SCFD2: variants seen among roughly 807,000 people sequenced by gnomAD.
SCFD2 encodes sec1 family domain containing 2.
In SCFD2, 54 loss-of-function variants were observed where a neutral mutation model predicts 58.9. The ratio of observed to expected loss-of-function variants is 0.92; its 90% CI spans 0.74 to 1.15. SCFD2 has a LOEUF of 1.15. Ranked by LOEUF, SCFD2 falls within the 50% of genes most tolerant of loss-of-function variation. SCFD2 has a pLI of 0.00. For missense variants in SCFD2, 805 were observed against 836.6 expected (o/e 0.96, Z 0.47); for synonymous variants, 321 against 335.9 (o/e 0.96, Z 0.49).
intron 6 of SCFD2, among the ~76,000 whole-genome samples, chr4:52,909,413 A>T (rs1005145928): frequency 6.6e-6 from 1 of 152,222 alleles, no homozygotes; most frequent in Non-Finnish European, 1.5e-5. Context: ...TGTGTGAATG[A>T]AAAAAGCAAG....
At chr4:53,248,059 G>A (rs1440759557) in intron 4 of SCFD2, among the ~76,000 whole-genome samples, 1 of 152,116 alleles carries the variant, frequency 6.6e-6, no homozygotes, top group Non-Finnish European at 1.5e-5. Context: ...CAGGTCAGTG[G>A]GTGCAGCGCA....
At chr4:53,229,227 A>G (rs1467850709) in intron 4 of SCFD2, among the ~76,000 whole-genome samples, 1 of 152,218 alleles carries the variant, frequency 6.6e-6, no homozygotes, top group Non-Finnish European at 1.5e-5. Flanking sequence ...TGCCATCCCC[A>G]TCAAGCTACC....
chr4:52,945,130 T>A (rs1720389797), intron 5 of SCFD2, among the ~76,000 whole-genome samples: 1 of 152,144 alleles, frequency 6.6e-6, no homozygotes. Context: ...GATAAATTTG[T>A]ATGTGAATAC....
At chr4:53,155,768 T>C (rs1365755804) in intron 4 of SCFD2, among the ~76,000 whole-genome samples, 1 of 152,222 alleles carries the variant, frequency 6.6e-6, no homozygotes, top group African/African-American at 2.4e-5. Flanking sequence ...TAAGCCAATA[T>C]TTATCAGATC....
intron 5 of SCFD2, among the ~76,000 whole-genome samples, chr4:53,044,282 C>T (rs1722971458): frequency 6.6e-6 from 1 of 152,056 alleles, no homozygotes; most frequent in South Asian, 2.1e-4. Flanking sequence ...CCCCACTGTC[C>T]TTTCACAGTT....
At chr4:52,993,567 C>A (rs1215151022) in intron 5 of SCFD2, among the ~76,000 whole-genome samples, 1 of 152,094 alleles carries the variant, frequency 6.6e-6, no homozygotes, top group Non-Finnish European at 1.5e-5. Context: ...TAATTTTTTA[C>A]ATACATTGTT....
chr4:53,127,127 C>T (rs1241295709), intron 5 of SCFD2, among the ~76,000 whole-genome samples: 1 of 152,138 alleles, frequency 6.6e-6, no homozygotes, highest in African/African-American at 2.4e-5. Flanking sequence ...GCAACATTTC[C>T]ACTAACAGCT....
intron 5 of SCFD2, among the ~76,000 whole-genome samples, chr4:53,112,491 T>C (rs1412395152): frequency 6.6e-6 from 1 of 152,026 alleles, no homozygotes; most frequent in East Asian, 1.9e-4. Flanking sequence ...CATCAAAGGG[T>C]CTATCTGCCA....
At chr4:52,910,938 C>G (rs774647928) in intron 6 of SCFD2, among the ~76,000 whole-genome samples, 2 of 152,226 alleles carry the variant, frequency 1.3e-5, no homozygotes, top group African/African-American at 4.8e-5. Flanking sequence ...TGAGGCCTCC[C>G]AAGCCCTGTG....
chr4:53,011,606 C>T (rs1332793012), intron 5 of SCFD2, among the ~76,000 whole-genome samples: 1 of 152,192 alleles, frequency 6.6e-6, no homozygotes, highest in Non-Finnish European at 1.5e-5. Context: ...TCAGCAAAGC[C>T]GATTTCACCT....
In SCFD2 at chr4:53,257,593, T is replaced by TA. The variant is rs1206098014; in HGVS notation, c.1311+16232dup. 4.0e-5 allele frequency among the ~76,000 whole-genome samples: 6 copies of TA among 151,792 alleles called. No homozygotes were observed. The South Asian group carries it at 8.3e-4, about 21-fold the overall frequency. On this transcript the variant is annotated intron_variant, in intron 4 of 8. Transcript: ENST00000401642. Reference sequence around the variant, plus strand: ...GTGGGAGAATGTTGTTATACTCTAATAAAAAAAAATTTTCCATGTTGGGTT... The same window carrying TA: ...GTGGGAGAATGTTGTTATACTCTAATAAAAAAAAAATTTTCCATGTTGGGTT...
At chr4:53,096,152 T>C (rs1724624373) in intron 5 of SCFD2, among the ~76,000 whole-genome samples, 1 of 151,284 alleles carries the variant, frequency 6.6e-6, no homozygotes, top group Non-Finnish European at 1.5e-5. Flanking sequence ...CAATTCACTA[T>C]TTGTGAACAG....
chr4:53,236,120 C>T (rs146771033), intron 4 of SCFD2, among the ~76,000 whole-genome samples: 60 of 152,174 alleles, frequency 3.9e-4, no homozygotes, highest in African/African-American at 1.4e-3. Flanking sequence ...GAAGGCAGAT[C>T]CACCCTTAAT....
At chr4:53,129,730 TAAATTC>T (rs1222157059) in intron 5 of SCFD2, among the ~76,000 whole-genome samples, 3 of 152,244 alleles carry the variant, frequency 2.0e-5, no homozygotes, top group African/African-American at 7.2e-5. Context: ...ATGTGGGACA[TAAATTC>T]AGCACCAACA....
At chr4:53,358,763 T>C (rs2149171183) in intron 1 of SCFD2, among the ~76,000 whole-genome samples, 1 of 152,304 alleles carries the variant, frequency 6.6e-6, no homozygotes, top group African/African-American at 2.4e-5. Context: ...CAAGTCTCTT[T>C]TTTAATTGTC....
At chr4:52,939,922 A>G (rs921796906) in intron 5 of SCFD2, among the ~76,000 whole-genome samples, 8 of 152,210 alleles carry the variant, frequency 5.3e-5, no homozygotes, top group African/African-American at 1.9e-4. Context: ...GTGACATCAA[A>G]GTCACCTGTG....
rs188835912 is a variant in SCFD2 at position 52,968,581 on chromosome 4, C to T, written c.1562-47711G>A. On this transcript the variant is annotated intron_variant, in intron 5 of 8. Transcript: ENST00000401642. ...GACAGATACTATTATGAATTCTTTA[C>T]TGCAAGAAGGGAAGATTACACAGAG... 8.0e-4 allele frequency among the ~76,000 whole-genome samples: 122 copies of T among 152,318 alleles called. No individual in the cohort carries two copies. The Middle Eastern group carries it at 0.014, about 17-fold the overall frequency.
At chr4:52,954,215 G>T (rs1349579590) in intron 5 of SCFD2, among the ~76,000 whole-genome samples, 1 of 152,220 alleles carries the variant, frequency 6.6e-6, no homozygotes, top group Non-Finnish European at 1.5e-5. Flanking sequence ...GTGGCAGGTT[G>T]TCCCCAAGTC....
chr4:53,194,328 C>G (rs1345746429), intron 4 of SCFD2, among the ~76,000 whole-genome samples: 2 of 152,110 alleles, frequency 1.3e-5, no homozygotes, highest in Non-Finnish European at 2.9e-5. Context: ...CTGAGATTCT[C>G]TTTCTTTTGG....
Sources: allele counts gnomAD v4.1 joint callset (sites outside exome capture counted in the v4.1 genomes callset), GRCh38; gene constraint gnomAD v4.1.1; transcripts MANE v1.5; gene names NCBI Gene and HGNC (gene_info 2026-07-23, HGNC 2026-07-21).